ARHGEF18: variants seen among roughly 807,000 people sequenced by gnomAD.
ARHGEF18 encodes rho guanine nucleotide exchange factor 18.
In ARHGEF18, 93 loss-of-function variants were observed where a neutral mutation model predicts 155.7. The observed-to-expected ratio is 0.60, with a 90% CI of 0.50 to 0.71. The LOEUF is 0.71. Among genes scored for constraint, ARHGEF18 ranks in the 30% least tolerant of loss-of-function variants. ARHGEF18 has a pLI of 0.00. For synonymous variants in ARHGEF18, 742 were observed against 753.1 expected, an observed-to-expected ratio of 0.99 and a Z score of 0.24; for missense variants, 1,593 against 1,816.1, an observed-to-expected ratio of 0.88 and a Z score of 2.23.
At chr19:7,468,528 G>C (rs576213449) in intron 26 of ARHGEF18, among the ~76,000 whole-genome samples, 1 of 152,246 alleles carries the variant, frequency 6.6e-6, no homozygotes, top group African/African-American at 2.4e-5. Flanking sequence ...GACAGAGCAA[G>C]ACCGTGTCTC....
intron 2 of ARHGEF18, among the ~76,000 whole-genome samples, chr19:7,368,040 A>AGGAAGGAAGGAAGGAT (rs1970023774): frequency 6.8e-6 from 1 of 147,948 alleles, no homozygotes; most frequent in Non-Finnish European, 1.5e-5. Flanking sequence ...GAAGGAAGGA[A>AGGAAGGAAGGAAGGAT]GGAAGGAGAA....
the ARHGEF18 span, among the ~76,000 whole-genome samples, chr19:7,477,888 G>A: frequency 2.0e-5 from 3 of 152,242 alleles, no homozygotes; most frequent in African/African-American, 7.2e-5. Context: ...CAGGCGTGCT[G>A]GCCCGTGCCT....
chr19:7,461,421 G>A (rs545606502), intron 20 of ARHGEF18, among the ~76,000 whole-genome samples: 66 of 152,144 alleles, frequency 4.3e-4, no homozygotes, highest in Admixed American at 1.1e-3. Context: ...ATGGTGGTGC[G>A]TGCCTATAGT....
intron 10 of ARHGEF18, among the ~76,000 whole-genome samples, chr19:7,424,162 G>A (rs55948703): frequency 0.22 from 33,282 of 151,778 alleles, 3,744 homozygotes; most frequent in Non-Finnish European, 0.23. Flanking sequence ...GAGTAGCTGG[G>A]ATTACAGGCG....
intron 15 of ARHGEF18, among the ~76,000 whole-genome samples, chr19:7,448,826 C>T (rs951364845): frequency 3.9e-5 from 6 of 152,054 alleles, no homozygotes; most frequent in Non-Finnish European, 7.4e-5. Flanking sequence ...GGAGACCCCA[C>T]CTCCCACGTC....
At chr19:7,363,931 AAG>A (rs1969753595) in intron 2 of ARHGEF18, among the ~76,000 whole-genome samples, 1 of 150,964 alleles carries the variant, frequency 6.6e-6, no homozygotes, top group African/African-American at 2.4e-5. Context: ...GGATAAATAA[AAG>A]AATGAAGGAA....
At chr19:7,408,218 C>G (rs1216949416) in intron 10 of ARHGEF18, among the ~76,000 whole-genome samples, 1 of 151,974 alleles carries the variant, frequency 6.6e-6, no homozygotes, top group Admixed American at 6.6e-5. Flanking sequence ...GTTGAAGTTG[C>G]AGTGAGCCGA....
downstream of ARHGEF18, chr19:7,473,475 G>C (rs1324241443): frequency 2.8e-6 from 1 of 359,142 alleles, no homozygotes; most frequent in Non-Finnish European, 5.5e-6. Flanking sequence ...TTCAAGACCA[G>C]CCTGGGCAAC....
In ARHGEF18 at chr19:7,470,557, TG is replaced by T. The variant is rs1359398939; in HGVS notation, c.*260del. ...AAAAGGAAAGTTTTTAATGGAAAGT[TG>T]AGCCAGAACTAAACCAGGGAGCTGT... On this transcript the variant is annotated 3_prime_UTR_variant, in exon 29 of 29. Coordinates refer to ENST00000668164, the MANE Select transcript of ARHGEF18 (RefSeq NM_001367823.1). The surrounding 1 kb of genome is among the most constrained non-coding windows in gnomAD (Gnocchi z 5.9). The T allele has an allele frequency of 1.5e-5, 6 of 401,538 alleles. No homozygotes were observed. The highest frequency in any genetic ancestry group is 2.6e-5 in the Non-Finnish European group (6 of 229,826). 24.9% of individuals were successfully genotyped at this position (401,538 alleles called of 1,614,324 possible).
At chr19:7,378,588 C>T (rs1970571872) in intron 6 of ARHGEF18, 137 bp downstream of exon 6, 2 of 621,712 alleles carry the variant, frequency 3.2e-6, no homozygotes, top group Admixed American at 4.4e-5. Flanking sequence ...ACTAGTCCCC[C>T]CATAACCTCA....
Position 7,444,116 on chromosome 19 carries a change from C to T in ARHGEF18, c.1361-88C>T, listed in dbSNP as rs1974841596. 9 of 1,538,028 alleles carry T rather than the reference C, an allele frequency of 5.9e-6. No individual in the cohort carries two copies. The South Asian group carries it at 7.3e-5, about 13-fold the overall frequency. On this transcript the variant is annotated intron_variant, in intron 13 of 28. Coordinates refer to ENST00000668164, the MANE Select transcript of ARHGEF18 (RefSeq NM_001367823.1). This position sits in a 1 kb window ranked among gnomAD's most constrained non-coding sequence, Gnocchi z 4.7. ...GGCAGAGAACTCTCAGAAGCCAGTTCAGCACGTGAAGGGCAGGCAGCACCC... is the reference window on the plus strand; with the variant it reads ...GGCAGAGAACTCTCAGAAGCCAGTTTAGCACGTGAAGGGCAGGCAGCACCC...
rs527365045 is a variant in ARHGEF18, at chr19:7,378,413, G to A, written c.561G>A (p.Leu187=). The change falls in exon 6 of 29, where the codon CTG becomes CTA. Residue 187 remains leucine (L), a synonymous_variant. Coordinates refer to ENST00000668164, the MANE Select transcript of ARHGEF18 (RefSeq NM_001367823.1). ...PPVQGLEPPV[L]ECMEKDHVEP... ...TTCCAGGCCTGGAACCTCCAGTGCTGGAGTGCATGGAAAAAGACCATGTGG... is the reference window on the plus strand; with the variant it reads ...TTCCAGGCCTGGAACCTCCAGTGCTAGAGTGCATGGAAAAAGACCATGTGG... The A allele has an allele frequency of 8.1e-7, 1 of 1,234,416 alleles. No individual in the cohort carries two copies. The highest frequency in any genetic ancestry group is 1.5e-5 in the African/African-American group (1 of 64,590). The allele number at this position is 1,234,416 out of a possible 1,614,324, so 76.5% of individuals were successfully genotyped here.
Position 7,470,990 on chromosome 19 carries a change from G to C in ARHGEF18, c.*692G>C. The C allele has an allele frequency of 2.5e-6, 1 of 397,672 alleles. No homozygotes were observed. The highest frequency in any genetic ancestry group is 4.5e-6 in the Non-Finnish European group (1 of 224,568). 24.6% of individuals were successfully genotyped at this position (397,672 alleles called of 1,614,324 possible). ...GGTTTGGAAGCCCATCGTGAAAGGG[G>C]CTGACCTTTGCCCCTTTTTACTTGG... is the stretch of plus-strand genomic sequence containing the variant. On this transcript the variant is annotated 3_prime_UTR_variant, in exon 29 of 29. Transcript: ENST00000668164. The surrounding 1 kb of genome is among the most constrained non-coding windows in gnomAD (Gnocchi z 5.9).
chr19:7,350,273 T>C (rs561701307), intron 1 of ARHGEF18, among the ~76,000 whole-genome samples: 158 of 152,156 alleles, frequency 1.0e-3, no homozygotes, highest in African/African-American at 3.7e-3. Flanking sequence ...AGGGAGTGAA[T>C]TGAGCTAGAG....
At position 7,385,907 on chromosome 19, in the gene ARHGEF18, CCTCTCTCCCTCT is replaced by C. The variant is rs1401516185; in HGVS notation, c.967+2712_967+2723del. 5.8e-3 allele frequency among the ~76,000 whole-genome samples: 194 copies of C among 33,674 alleles called. 3 individuals carry two copies. The highest frequency in any genetic ancestry group is 0.019 in the Middle Eastern group (1 of 54). The allele number at this position is 33,674 out of a possible 152,430, so 22.1% of individuals were successfully genotyped here. On this transcript the variant is annotated intron_variant, in intron 10 of 28. Transcript: ENST00000668164. ...CTCTCCCTCCCTCCCTCTCTCTCTC[CCTCTCTCCCTCT>C]CTCTCTCTCTCTCTCTCCCCCTCTC... is the stretch of plus-strand genomic sequence containing the variant.
At chr19:7,363,628 T>C (rs918031983) in intron 2 of ARHGEF18, among the ~76,000 whole-genome samples, 2 of 147,874 alleles carry the variant, frequency 1.4e-5, no homozygotes, top group Admixed American at 1.3e-4. Context: ...GGAAAGAGGA[T>C]GGATAAATGA....
chr19:7,414,482 C>A (rs993097430), intron 10 of ARHGEF18, among the ~76,000 whole-genome samples: 1 of 152,060 alleles, frequency 6.6e-6, no homozygotes, highest in Non-Finnish European at 1.5e-5. Context: ...TCGAGACCAG[C>A]CTAGCCAACA....
At chr19:7,394,960 G>A in intron 10 of ARHGEF18, 1 of 769,122 alleles carries the variant, frequency 1.3e-6, no homozygotes, top group Non-Finnish European at 1.6e-6. Flanking sequence ...CGGTGCCCGC[G>A]CCCCTCTCAA....
At position 7,458,379 on chromosome 19, in the gene ARHGEF18, G is replaced by A. The variant is rs115181476; in HGVS notation, c.2182-133G>A. 2.6e-3 allele frequency: 1,817 copies of A among 705,482 alleles called. 27 individuals carry two copies. In the African/African-American group the frequency reaches 0.029, roughly 11 times the overall value. 43.7% of individuals were successfully genotyped at this position (705,482 alleles called of 1,614,324 possible). A position where few individuals can be genotyped will look rare whatever the true frequency, so the allele number is the denominator to read the frequency against. On this transcript the variant is annotated intron_variant, in intron 18 of 28. Coordinates refer to ENST00000668164, the MANE Select transcript of ARHGEF18 (RefSeq NM_001367823.1). ...TTCCCCCAGATGGCAAAATATTTCC[G>A]CTTTGAATTGTTTGAAAAGAAATGA...
Sources: gnomAD v4.1 joint callset for allele counts (sites outside exome capture counted in the v4.1 genomes callset) on GRCh38, gnomAD v4.1.1 for gene constraint, Gnocchi (gnomAD v3.1) non-coding constraint, MANE v1.5 for transcripts, NCBI Gene and HGNC (gene_info 2026-07-23, HGNC 2026-07-21) for gene names.